ODF2L: variants seen among roughly 807,000 people sequenced by gnomAD.
The protein encoded by ODF2L is protein BCAP.
In ODF2L, 76 loss-of-function variants were observed where a neutral mutation model predicts 86.3. That is an observed-to-expected ratio of 0.88 (90% confidence interval 0.73 to 1.07). ODF2L has a LOEUF of 1.07. ODF2L is among the 50% of genes least tolerant of loss of function. The pLI is 0.00. For missense variants in ODF2L, 748 were observed against 717.4 expected (o/e 1.04, Z -0.49); for synonymous variants, 241 against 231.3 (o/e 1.04, Z -0.38).
At chr1:86,384,601 TAC>T in intron 4 of ODF2L, 73 bp downstream of exon 4, 1 of 961,538 alleles carries the variant, frequency 1.0e-6, no homozygotes, top group Non-Finnish European at 1.4e-6. Flanking sequence ...CAATAATTTC[TAC>T]AGTTTAAAAA....
chr1:86,374,263 G>T (rs1485245700), intron 8 of ODF2L, among the ~76,000 whole-genome samples: 1 of 151,990 alleles, frequency 6.6e-6, no homozygotes, highest in Non-Finnish European at 1.5e-5. Context: ...TATAAAATAA[G>T]CTTTAATATA....
chr1:86,382,926 C>G lies in ODF2L; in HGVS notation c.507+5G>C, dbSNP rs1235586519. On this transcript the variant is annotated splice_donor_5th_base_variant and intron_variant, in intron 6 of 17. Transcript: ENST00000317336. ...ATTAAGCTCAAAAGCTCAAATTTTG[C>G]TTACCTTTTCACTCTGAAACAAACA... is the stretch of plus-strand genomic sequence containing the variant. 1 of 1,490,742 alleles carries G rather than the reference C, an allele frequency of 6.7e-7. No homozygotes were observed. The highest frequency in any genetic ancestry group is 2.3e-5 in the East Asian group (1 of 44,006). The allele number at this position is 1,490,742 out of a possible 1,614,324, so 92.3% of individuals were successfully genotyped here.
At chr1:86,359,477 G>T (rs1281787646) in intron 12 of ODF2L, among the ~76,000 whole-genome samples, 1 of 149,190 alleles carries the variant, frequency 6.7e-6, no homozygotes, top group Non-Finnish European at 1.5e-5. Context: ...CTTCCTACTT[G>T]CCCACACTTT....
chr1:86,390,535 A>C (rs1284090996), intron 1 of ODF2L, among the ~76,000 whole-genome samples: 1 of 152,248 alleles, frequency 6.6e-6, no homozygotes, highest in Non-Finnish European at 1.5e-5. Flanking sequence ...AACATCCACA[A>C]GTCAATAAAT....
intron 14 of ODF2L, among the ~76,000 whole-genome samples, chr1:86,355,809 G>A (rs1391099055): frequency 6.6e-6 from 1 of 151,814 alleles, no homozygotes; most frequent in Non-Finnish European, 1.5e-5. Context: ...TTAAAATCCA[G>A]ATCATATTTG....
At chr1:86,356,578 G>C in exon 14 of ODF2L, 1 of 1,613,822 alleles carries the variant, frequency 6.2e-7, no homozygotes, top group South Asian at 1.1e-5. Context: ...AACTCCTTCA[G>C]ATGAGACTCC....
At chr1:86,366,237 AT>A (rs1659404827) in intron 11 of ODF2L, among the ~76,000 whole-genome samples, 1 of 151,968 alleles carries the variant, frequency 6.6e-6, no homozygotes, top group Non-Finnish European at 1.5e-5. Flanking sequence ...GAGATCTAAA[AT>A]TTTTTTATAT....
chr1:86,370,251 A>G (rs1393079745), intron 10 of ODF2L, among the ~76,000 whole-genome samples: 1 of 152,132 alleles, frequency 6.6e-6, no homozygotes, highest in African/African-American at 2.4e-5. Flanking sequence ...ATCTTAATAC[A>G]TAGAATAAAT....
chr1:86,379,320 A>C (rs1215900234), intron 7 of ODF2L, among the ~76,000 whole-genome samples: 3 of 152,232 alleles, frequency 2.0e-5, no homozygotes, highest in Non-Finnish European at 4.4e-5. Context: ...AACCTGTTAA[A>C]GGATGCAAAT....
At chr1:86,384,643 T>A in intron 4 of ODF2L, 33 bp downstream of exon 4, 1 of 1,293,352 alleles carries the variant, frequency 7.7e-7, no homozygotes. Flanking sequence ...GAAATATCAC[T>A]ATTAAAATGA....
chr1:86,383,145 T>G, exon 5 of ODF2L: 1 of 1,570,658 alleles, frequency 6.4e-7, no homozygotes, highest in South Asian at 1.2e-5. Flanking sequence ...GTATTTTCAC[T>G]TTCATTATCA....
At chr1:86,352,681 G>A (rs1418109018) in intron 17 of ODF2L, among the ~76,000 whole-genome samples, 178 bp downstream of exon 16, 1 of 151,888 alleles carries the variant, frequency 6.6e-6, no homozygotes, top group Non-Finnish European at 1.5e-5. Flanking sequence ...ATCCAAAGAG[G>A]CAGAATAATA....
chr1:86,378,947 G>T (rs1660373166), intron 7 of ODF2L, among the ~76,000 whole-genome samples: 1 of 152,066 alleles, frequency 6.6e-6, no homozygotes, highest in Non-Finnish European at 1.5e-5. Flanking sequence ...TGGATCATGG[G>T]GGTTGTTTCT....
downstream of ODF2L, chr1:86,347,856 C>A (rs1657889009): frequency 2.0e-5 from 3 of 152,146 alleles, no homozygotes; most frequent in Admixed American, 2.0e-4. Flanking sequence ...CCTTGGCACA[C>A]ACAGTGGGAG....
At position 86,372,546 on chromosome 1, in the gene ODF2L, A is replaced by G; in HGVS notation, c.811-6T>C. ...GTTTCAGACAACTTGGCTTCCTAAA[A>G]AATACATAAAAGTATTCATACTATA... is the stretch of plus-strand genomic sequence containing the variant. On this transcript the variant is annotated splice_polypyrimidine_tract_variant and splice_region_variant and intron_variant, in intron 8 of 17. Coordinates refer to ENST00000317336, the Ensembl canonical transcript of ODF2L. 1 of 1,411,464 alleles carries G rather than the reference A, an allele frequency of 7.1e-7. No homozygotes were observed. The highest frequency in any genetic ancestry group is 9.5e-7 in the Non-Finnish European group (1 of 1,050,362). 87.4% of individuals were successfully genotyped at this position (1,411,464 alleles called of 1,614,324 possible).
chr1:86,380,464 G>T (rs769481154), intron 7 of ODF2L, among the ~76,000 whole-genome samples: 3 of 152,074 alleles, frequency 2.0e-5, no homozygotes, highest in Non-Finnish European at 4.4e-5. Flanking sequence ...AGTCCACACG[G>T]TGTCATCATC....
At chr1:86,383,375 T>A (rs1438164916) in intron 4 of ODF2L, among the ~76,000 whole-genome samples, 179 bp from the exon 5 acceptor site, 1 of 151,828 alleles carries the variant, frequency 6.6e-6, no homozygotes, top group East Asian at 1.9e-4. Context: ...GTCTGCAATT[T>A]ATGAAATTAG....
rs74891863 is a variant in ODF2L, at chr1:86,367,222, AC to A, written c.1143+1413del. 0.011 allele frequency among the ~76,000 whole-genome samples: 1,680 copies of A among 152,306 alleles called. 66 individuals are homozygous for A. In the East Asian group the frequency reaches 0.11, roughly 10 times the overall value. ...AATTACTTTCAATCTAGGTTGCTATACCCAGCTGAAACCATTAATCATAATG... is the reference window on the plus strand; with the variant it reads ...AATTACTTTCAATCTAGGTTGCTATACCAGCTGAAACCATTAATCATAATG... On this transcript the variant is annotated intron_variant, in intron 11 of 17. Transcript: ENST00000317336.
At chr1:86,382,299 T>A in exon 7 of ODF2L, 2 of 1,612,606 alleles carry the variant, frequency 1.2e-6, no homozygotes, top group African/African-American at 1.3e-5. Flanking sequence ...TTTGGATCTG[T>A]AGTCGTTCAT....
Sources: gnomAD v4.1 joint callset for allele counts (sites outside exome capture counted in the v4.1 genomes callset) on GRCh38, gnomAD v4.1.1 for gene constraint, MANE v1.5 for transcripts, NCBI Gene and HGNC (gene_info 2026-07-23, HGNC 2026-07-21) for gene names.